The following FRMPD3 variants were observed in gnomAD, a reference collection of about 807,000 sequenced individuals.
FRMPD3 encodes FERM and PDZ domain-containing protein 3.
FRMPD3 carries 42 observed loss-of-function variants against 97.9 expected under a neutral mutation model. The observed-to-expected ratio is 0.43, with a 90% confidence interval of 0.34 to 0.55. FRMPD3 has a LOEUF of 0.55. Ranked by LOEUF, FRMPD3 falls within the 20% of genes least tolerant of loss-of-function variation. FRMPD3 has a pLI of 0.03. For missense variants in FRMPD3, 1,303 were observed against 1,457.7 expected (o/e 0.89, Z 1.73); for synonymous variants, 577 against 581.1 (o/e 0.99, Z 0.10).
At chrX:107,474,942 G>T (rs768430746) in intron 1 of FRMPD3, among the ~76,000 whole-genome samples, 1 of 112,168 alleles carries the variant, frequency 8.9e-6, no homozygotes, top group Non-Finnish European at 1.9e-5. Context: ...TGGACTAAAT[G>T]AAGGTTCAGT....
chrX:107,451,915 C>T (rs781509681), intron 1 of FRMPD3, among the ~76,000 whole-genome samples: 1 of 111,130 alleles, frequency 9.0e-6, no homozygotes, highest in Non-Finnish European at 1.9e-5. Context: ...GAGCCCCTTC[C>T]CTGCTCCTGC....
intron 12 of FRMPD3, among the ~76,000 whole-genome samples, chrX:107,570,428 A>C (rs1922833828): frequency 9.1e-6 from 1 of 109,903 alleles, no homozygotes; most frequent in Non-Finnish European, 1.9e-5. Flanking sequence ...AGTAGTTCTC[A>C]GCCCTGACTG....
In FRMPD3 at chrX:107,543,898, T is replaced by A. The variant is rs756127666; in HGVS notation, c.298-1839T>A. ...ATATCCAAGGGAATTGAAATTAGTA[T>A]GCCAAAGAGCCATCTGCATTCCCAT... On this transcript the variant is annotated intron_variant, in intron 4 of 14. Coordinates refer to ENST00000683843, the MANE Select transcript of FRMPD3 (RefSeq NM_001388459.1). Among the ~76,000 whole-genome samples, 5 of 110,740 alleles carry A rather than the reference T, an allele frequency of 4.5e-5. No individual in the cohort carries two copies. In the South Asian group the frequency reaches 1.9e-3, roughly 43 times the overall value.
At chrX:107,472,222 A>G (rs777532771) in intron 1 of FRMPD3, among the ~76,000 whole-genome samples, 1 of 111,597 alleles carries the variant, frequency 9.0e-6, no homozygotes, top group Non-Finnish European at 1.9e-5. Context: ...AGATTCCAAA[A>G]ATTTTTTCCC....
At chrX:107,530,707 G>A (rs1922912194) in intron 3 of FRMPD3, among the ~76,000 whole-genome samples, 196 bp downstream of exon 3, 1 of 110,777 alleles carries the variant, frequency 9.0e-6, no homozygotes, top group African/African-American at 3.3e-5. Context: ...ATACACACTG[G>A]CTTAGCATCT....
intron 1 of FRMPD3, among the ~76,000 whole-genome samples, chrX:107,452,901 T>C (rs1283276482): frequency 1.3e-5 from 1 of 79,809 alleles, no homozygotes; most frequent in Non-Finnish European, 2.3e-5. Context: ...GGGAAAGGCT[T>C]GCTGGAGATG....
rs771886827 is a variant in FRMPD3 at position 107,602,327 on chromosome X, G to A, written c.4288G>A (p.Ala1430Thr). Reference protein sequence around the residue: ...MLPREAKEVEASLPIALGPKS... With the variant: ...MLPREAKEVETSLPIALGPKS... ...GCCCAGGGAGGCCAAGGAGGTAGAG[G>A]CAAGCCTCCCCATAGCCTTGGGTCC... Residue 1430 changes from alanine (A) to threonine (T), a missense_variant, in exon 15 of 15, where the codon GCA becomes ACA. By Grantham distance (58) the Ala-to-Thr change is moderately conservative. Coordinates refer to ENST00000683843, the MANE Select transcript of FRMPD3 (RefSeq NM_001388459.1). The A allele has an allele frequency of 5.0e-6, 6 of 1,208,577 alleles. No individual in the cohort carries two copies. Among genetic ancestry groups the A allele is most frequent in the Non-Finnish European group, 6.7e-6 (6 of 894,705 alleles).
Position 107,493,177 on chromosome X carries a change from C to CAAAAAAAA in FRMPD3, c.-7-33389_-7-33382dup, listed in dbSNP as rs60695168. On this transcript the variant is annotated intron_variant, in intron 1 of 14. Coordinates refer to ENST00000683843, the MANE Select transcript of FRMPD3 (RefSeq NM_001388459.1). ...CCTGGGTGACAAAGCGAGACCCTGT[C>CAAAAAAAA]AAAAAAAAAAAAAAAAAAAAAAAGA... Among the ~76,000 whole-genome samples, 2 of 51,717 alleles carry CAAAAAAAA rather than the reference C, an allele frequency of 3.9e-5. 1 individual carries two copies. Among genetic ancestry groups the CAAAAAAAA allele is most frequent in the African/African-American group, 1.7e-4 (2 of 11,854 alleles). 44.9% of individuals were successfully genotyped at this position (51,717 alleles called of 115,157 possible). A position where few individuals can be genotyped will look rare whatever the true frequency, so the allele number is the denominator to read the frequency against.
chrX:107,571,532 C>T lies in FRMPD3; in HGVS notation c.1297-4783C>T, dbSNP rs55763102. 3.3e-3 allele frequency among the ~76,000 whole-genome samples: 364 copies of T among 111,929 alleles called. 3 individuals are homozygous for T. The highest frequency in any genetic ancestry group is 5.8e-3 in the Non-Finnish European group (306 of 53,194). Reference sequence around the variant, plus strand: ...CTGTGCTGAGCCAGCTGGGGTTGTGCTTGGCCCTCTCTGTGCACGGGATTT... The same window carrying T: ...CTGTGCTGAGCCAGCTGGGGTTGTGTTTGGCCCTCTCTGTGCACGGGATTT... On this transcript the variant is annotated intron_variant, in intron 12 of 14. Coordinates refer to ENST00000683843, the MANE Select transcript of FRMPD3 (RefSeq NM_001388459.1).
chrX:107,514,515 T>C (rs1922253869), intron 1 of FRMPD3, among the ~76,000 whole-genome samples: 1 of 106,165 alleles, frequency 9.4e-6, no homozygotes, highest in Non-Finnish European at 1.9e-5. Flanking sequence ...CTTTCTTTTT[T>C]CCTTTTCCTT....
At chrX:107,524,995 C>CA (rs750900204) in intron 1 of FRMPD3, among the ~76,000 whole-genome samples, 2,193 of 13,549 alleles carry the variant, frequency 0.16, 507 homozygotes, top group African/African-American at 0.24. Context: ...GACTCCATCT[C>CA]AAAAAAAAAA....
chrX:107,563,298 T>G, intron 11 of FRMPD3, 98 bp downstream of exon 11: 1 of 617,161 alleles, frequency 1.6e-6, no homozygotes, highest in Non-Finnish European at 2.5e-6. Flanking sequence ...CTAAAGGCCT[T>G]CGTTCCTCTT....
intron 1 of FRMPD3, among the ~76,000 whole-genome samples, chrX:107,501,061 A>G (rs1425161092): frequency 1.8e-5 from 2 of 111,287 alleles, no homozygotes; most frequent in Admixed American, 1.9e-4. Flanking sequence ...CCACCCTTGC[A>G]GGCAGAAAAT....
intron 1 of FRMPD3, among the ~76,000 whole-genome samples, chrX:107,486,700 A>C (rs778472414): frequency 7.1e-5 from 8 of 112,024 alleles, no homozygotes; most frequent in Non-Finnish European, 1.3e-4. Flanking sequence ...GCATATGTCC[A>C]TTCTTATGCC....
At chrX:107,591,091 C>T (rs1390840719) in intron 13 of FRMPD3, among the ~76,000 whole-genome samples, 1 of 110,670 alleles carries the variant, frequency 9.0e-6, no homozygotes, top group Non-Finnish European at 1.9e-5. Context: ...CTGATACTGT[C>T]TATTCAGATT....
intron 13 of FRMPD3, among the ~76,000 whole-genome samples, chrX:107,583,835 A>T (rs1381574526): frequency 9.3e-6 from 1 of 107,460 alleles, no homozygotes; most frequent in Admixed American, 1.0e-4. Context: ...TTCTCTAATG[A>T]TCAATGATGT....
intron 13 of FRMPD3, among the ~76,000 whole-genome samples, chrX:107,588,573 G>A (rs772296652): frequency 8.9e-6 from 1 of 112,172 alleles, no homozygotes; most frequent in African/African-American, 3.2e-5. Context: ...ATCTTCTCAT[G>A]GAGTATCTTA....
Position 107,530,470 on chromosome X carries a change from C to T in FRMPD3, c.210C>T (p.Asp70=), listed in dbSNP as rs369867915. ...GDQIVAINEE[D]VSEAPRERLI... ...AGATTGTGGCTATTAATGAGGAAGA[C>T]GTGAGTGAAGCCCCGAGGGAGAGAC... is the stretch of plus-strand genomic sequence containing the variant. Residue 70 remains aspartate (D), a synonymous_variant, in exon 3 of 15, where the codon GAC becomes GAT. Coordinates refer to ENST00000683843, the MANE Select transcript of FRMPD3 (RefSeq NM_001388459.1). 3.3e-5 allele frequency: 39 copies of T among 1,195,077 alleles called. 1 individual carries two copies. Among genetic ancestry groups the T allele is most frequent in the African/African-American group, 1.8e-4 (10 of 57,050 alleles).
chrX:107,457,703 C>T, intron 1 of FRMPD3, among the ~76,000 whole-genome samples: 2 of 112,092 alleles, frequency 1.8e-5, no homozygotes, highest in South Asian at 7.6e-4. Context: ...ATTCACTGGA[C>T]TCTGACAAAG....
Sources: gnomAD v4.1 joint callset for allele counts (sites outside exome capture counted in the v4.1 genomes callset) on GRCh38, gnomAD v4.1.1 for gene constraint, MANE v1.5 for transcripts, NCBI Gene and HGNC (gene_info 2026-07-23, HGNC 2026-07-21) for gene names.